Variants in TTC21A observed in about 807,000 individuals in gnomAD.
TTC21A encodes the protein tetratricopeptide repeat domain 21A.
Under a neutral mutation model 156.4 loss-of-function variants are expected in TTC21A, and 128 were observed. That is an observed-to-expected ratio of 0.82 (90% CI 0.71 to 0.95). The LOEUF (loss-of-function observed/expected upper bound fraction) is 0.95. TTC21A is among the 40% of genes least tolerant of loss of function. TTC21A has a pLI of 0.00. For missense variants in TTC21A, 1,435 were observed against 1,602.3 expected, an observed-to-expected ratio of 0.90 and a Z score of 1.78; for synonymous variants, 587 against 617.1, an observed-to-expected ratio of 0.95 and a Z score of 0.72.
intron 9 of TTC21A, among the ~76,000 whole-genome samples, chr3:39,124,668 A>C (rs958455644): frequency 1.3e-5 from 2 of 150,884 alleles, no homozygotes; most frequent in African/African-American, 2.4e-5. Flanking sequence ...CAAAAAAAAA[A>C]AAAAAGCAGA....
chr3:39,110,861 A>G lies in TTC21A; in HGVS notation c.279A>G (p.Ala93=). 1 of 1,613,956 alleles carries G rather than the reference A, an allele frequency of 6.2e-7. No homozygotes were observed. The highest frequency in any genetic ancestry group is 8.5e-7 in the Non-Finnish European group (1 of 1,180,012). Residue 93 remains alanine (A), a synonymous_variant, in exon 4 of 29, where the codon GCA becomes GCG. Transcript: ENST00000683103. ...HKRCEIIDRE[A]IQELEYSLKE... Reference sequence around the variant, plus strand: ...CTCTTGGATTTACAGACCGAGAAGCAATTCAGGAGCTTGAGTACAGCCTGA... The same window carrying G: ...CTCTTGGATTTACAGACCGAGAAGCGATTCAGGAGCTTGAGTACAGCCTGA...
intron 19 of TTC21A, chr3:39,131,463 A>G (rs113694726): frequency 0.01 from 1,789 of 172,370 alleles, 19 homozygotes; most frequent in Non-Finnish European, 0.016. Context: ...CCTTTGTAAT[A>G]AGCATTGTGA....
Position 39,137,705 on chromosome 3 carries a change from A to G in TTC21A, c.3670A>G (p.Asn1224Asp). 6.2e-7 allele frequency: 1 copy of G among 1,611,532 alleles called. No individual in the cohort carries two copies. Among genetic ancestry groups the G allele is most frequent in the Non-Finnish European group, 8.5e-7 (1 of 1,179,062 alleles). The change falls in exon 26 of 29, where the codon AAC (asparagine) becomes GAC (aspartate). Residue 1224 changes from asparagine to aspartate, a missense_variant. Coordinates refer to ENST00000683103, the MANE Select transcript of TTC21A (RefSeq NM_001366900.1). ...ACTGCTGCGGCGCTGTGTGCAATAC[A>G]ACAAGGCAAGGAGCCACACACACAC... ...LELLRRCVQY[N>D]KSCYKAYEYM...
rs534418342 is a variant in TTC21A at position 39,129,606 on chromosome 3, T to G, written c.2135+296T>G. Among the ~76,000 whole-genome samples, 133 of 152,324 alleles carry G rather than the reference T, an allele frequency of 8.7e-4. 1 individual carries two copies. In the South Asian group the frequency reaches 0.012, roughly 13 times the overall value. ...GTTCTCAGAGCAGACACACTGAAGC[T>G]CCAAGCTGCTGTCTCTGTATGATTT... On this transcript the variant is annotated intron_variant, in intron 15 of 28. Transcript: ENST00000683103.
At chr3:39,127,596 A>G (rs2038374771) in intron 12 of TTC21A, among the ~76,000 whole-genome samples, 1 of 152,294 alleles carries the variant, frequency 6.6e-6, no homozygotes, top group South Asian at 2.1e-4. Flanking sequence ...CCACCAGGTT[A>G]TGGATCCCAA....
chr3:39,133,218 C>T lies in TTC21A; in HGVS notation c.2729C>T (p.Ser910Phe). 1.2e-6 allele frequency: 2 copies of T among 1,613,730 alleles called. No individual in the cohort carries two copies. Among genetic ancestry groups the T allele is most frequent in the Non-Finnish European group, 1.7e-6 (2 of 1,179,788 alleles). ...KAVQSYKDVF[S>F]YLPTDNKVML... is the part of the protein sequence containing the mutation. ...GTACAGTCTTATAAGGATGTCTTCT[C>T]CTACTTGCCAACTGACAATAAGGTG... Residue 910 changes from serine to phenylalanine, a missense_variant, in exon 20 of 29, where the codon TCC (serine) becomes TTC (phenylalanine). Coordinates refer to ENST00000683103, the MANE Select transcript of TTC21A (RefSeq NM_001366900.1).
At chr3:39,111,145 A>C in intron 4 of TTC21A, 128 bp downstream of exon 4, 1 of 996,366 alleles carries the variant, frequency 1.0e-6, no homozygotes, top group Non-Finnish European at 1.4e-6. Flanking sequence ...CTGGCAAAAC[A>C]CCGGGTCTCA....
At position 39,138,383 on chromosome 3, in the gene TTC21A, C is replaced by A; in HGVS notation, c.3792C>A (p.Ala1264=). ...AGTACAGTCATCACGCCAACCCTGC[C>A]ATTGGTAAGGCAACCAGCCAGGGTG... ...AWKYSHHANP[A]IGFKLAFNYL... is the part of the protein sequence containing the mutation. Residue 1264 remains alanine, a synonymous_variant, in exon 27 of 29, where the codon GCC becomes GCA. Transcript: ENST00000683103. The A allele has an allele frequency of 6.2e-7, 1 of 1,614,084 alleles. No individual in the cohort carries two copies.
chr3:39,128,858 C>A lies in TTC21A; in HGVS notation c.1822C>A (p.Pro608Thr). Residue 608 changes from proline to threonine, a missense_variant, in exon 14 of 29, where the codon CCC becomes ACC. Pro to Thr is a conservative substitution (Grantham distance 38). Coordinates refer to ENST00000683103, the MANE Select transcript of TTC21A (RefSeq NM_001366900.1). ...GGAAGAAGGCAGAAAGTTCCTCAGG[C>A]CCTCTGTGCAGCCTAGCCAGCGGGC... Reference protein sequence around the residue: ...KKEEGRKFLRPSVQPSQRASI... With the variant: ...KKEEGRKFLRTSVQPSQRASI... 6.2e-7 allele frequency: 1 copy of A among 1,614,192 alleles called. No homozygotes were observed. Among genetic ancestry groups the A allele is most frequent in the Non-Finnish European group, 8.5e-7 (1 of 1,180,032 alleles).
chr3:39,110,635 T>C (rs891798494), intron 3 of TTC21A, among the ~76,000 whole-genome samples: 8 of 152,172 alleles, frequency 5.3e-5, no homozygotes, highest in African/African-American at 1.9e-4. Context: ...ACAGCACACG[T>C]GAGTCCACAC....
chr3:39,128,955 C>T, intron 14 of TTC21A, 23 bp downstream of exon 14: 5 of 1,613,200 alleles, frequency 3.1e-6, no homozygotes, highest in Non-Finnish European at 4.2e-6. Context: ...GTGCTCTCTT[C>T]CCTGGGGACT....
intron 19 of TTC21A, among the ~76,000 whole-genome samples, chr3:39,132,225 C>T (rs2038777517): frequency 6.6e-6 from 1 of 152,134 alleles, no homozygotes; most frequent in South Asian, 2.1e-4. Flanking sequence ...CTTAAGGGAC[C>T]AGCATCGTAT....
In TTC21A at chr3:39,134,381, T is replaced by A; in HGVS notation, c.2862+53T>A. The stretch of plus-strand genomic sequence containing the variant: ...CCCCTCCCTTCCTCCCTTCCCAGGG[T>A]CCCTGTGACCAGATGCAGGCTACTT... On this transcript the variant is annotated intron_variant, in intron 21 of 28. Transcript: ENST00000683103. The surrounding 1 kb of genome is among the most constrained non-coding windows in gnomAD (Gnocchi z 4.6). The A allele has an allele frequency of 3.9e-6, 5 of 1,292,940 alleles. No homozygotes were observed. The highest frequency in any genetic ancestry group is 4.5e-6 in the Non-Finnish European group (4 of 887,130). The allele number at this position is 1,292,940 out of a possible 1,614,324, so 80.1% of individuals were successfully genotyped here.
intron 9 of TTC21A, among the ~76,000 whole-genome samples, chr3:39,122,551 C>A (rs1013209041): frequency 2.0e-5 from 3 of 152,096 alleles, no homozygotes; most frequent in African/African-American, 7.2e-5. Context: ...TCAGGGTCAC[C>A]AGAGGCTGAG....
intron 19 of TTC21A, 123 bp downstream of exon 19, chr3:39,131,218 TA>T: frequency 1.5e-6 from 1 of 682,994 alleles, no homozygotes; most frequent in Non-Finnish European, 2.4e-6. Flanking sequence ...GGACCTAGGT[TA>T]CACCTCTGAC....
chr3:39,109,011 G>T, intron 1 of TTC21A, 74 bp from the exon 2 acceptor site: 1 of 1,529,292 alleles, frequency 6.5e-7, no homozygotes, highest in South Asian at 1.2e-5. Context: ...AAGGGAGCAG[G>T]TCTCATCCCA....
chr3:39,127,307 T>G (rs2038351126), intron 12 of TTC21A, among the ~76,000 whole-genome samples: 1 of 152,242 alleles, frequency 6.6e-6, no homozygotes, highest in Non-Finnish European at 1.5e-5. Flanking sequence ...GTCTGTCTTC[T>G]GGCATTGCAT....
intron 23 of TTC21A, 112 bp from the exon 24 acceptor site, chr3:39,136,787 A>G: frequency 7.2e-7 from 1 of 1,380,050 alleles, no homozygotes; most frequent in South Asian, 1.4e-5. Context: ...GAGCTGGGAA[A>G]CCAGAGATCC....
intron 20 of TTC21A, among the ~76,000 whole-genome samples, chr3:39,133,755 A>G (rs1295872008): frequency 6.6e-6 from 1 of 152,230 alleles, no homozygotes; most frequent in Admixed American, 6.5e-5. Context: ...ACCTCATCTA[A>G]TATGTGCCAA....
Sources: allele counts gnomAD v4.1 joint callset (sites outside exome capture counted in the v4.1 genomes callset), GRCh38; gene constraint gnomAD v4.1.1; non-coding constraint Gnocchi (gnomAD v3.1); transcripts MANE v1.5; gene names NCBI Gene and HGNC (gene_info 2026-07-23, HGNC 2026-07-21).